The following MARK4 variants were observed in gnomAD, a reference collection of about 807,000 sequenced individuals.
MARK4 encodes the protein microtubule affinity regulating kinase 4, also known as MAP/microtubule affinity-regulating kinase 4.
Under a neutral mutation model 81.5 loss-of-function variants are expected in MARK4, and 19 were observed. The observed-to-expected ratio is 0.23, with a 90% CI of 0.16 to 0.34. The LOEUF is 0.34. MARK4 is among the 10% of genes least tolerant of loss of function. MARK4 has a pLI of 1.00. For synonymous variants in MARK4, 436 were observed against 439.0 expected (o/e 0.99, Z 0.08); for missense variants, 772 against 1,058.8 (o/e 0.73, Z 3.76).
rs151321685 is a variant in MARK4 at position 45,282,413 on chromosome 19, C to T, written c.1276+1679C>T. ...CCCATTTAAAGTGCACAATTCAGGC[C>T]GGGCATGGTGGCTCACGCCTGTAAT... On this transcript the variant is annotated intron_variant, in intron 12 of 16. Coordinates refer to ENST00000262891, the MANE Select transcript of MARK4 (RefSeq NM_001199867.2). 4.6e-3 allele frequency among the ~76,000 whole-genome samples: 701 copies of T among 151,962 alleles called. 8 individuals carry two copies. Among genetic ancestry groups the T allele is most frequent in the African/African-American group, 0.015 (624 of 41,432 alleles).
intron 14 of MARK4, among the ~76,000 whole-genome samples, chr19:45,294,888 A>G (rs905435075): frequency 1.3e-5 from 2 of 152,050 alleles, no homozygotes; most frequent in Non-Finnish European, 2.9e-5. Context: ...GGTTCACATC[A>G]CAGGTCAAGG....
chr19:45,289,335 C>T (rs772061290), intron 13 of MARK4, among the ~76,000 whole-genome samples: 13 of 133,994 alleles, frequency 9.7e-5, no homozygotes, highest in Non-Finnish European at 1.1e-4. Flanking sequence ...TGCAGTGAGC[C>T]GAGATCGTGC....
At chr19:45,253,055 G>A (rs1248465430) in intron 1 of MARK4, among the ~76,000 whole-genome samples, 2 of 151,498 alleles carry the variant, frequency 1.3e-5, no homozygotes, top group East Asian at 3.9e-4. Flanking sequence ...TCTGATCACT[G>A]ATCACTTCCA....
At chr19:45,264,813 T>TGACCCC in intron 5 of MARK4, 27 bp from the exon 6 acceptor site, 6 of 1,612,052 alleles carry the variant, frequency 3.7e-6, no homozygotes, top group Non-Finnish European at 5.1e-6. Context: ...CACCTGACCC[T>TGACCCC]GACCCCGCTC....
At chr19:45,298,233 T>C (rs779983852) in intron 15 of MARK4, 2 of 1,613,900 alleles carry the variant, frequency 1.2e-6, no homozygotes, top group South Asian at 2.2e-5. Context: ...GTAAGTCCCG[T>C]CCATGCCCTG....
chr19:45,258,598 G>A (rs1970339809), intron 1 of MARK4, among the ~76,000 whole-genome samples: 1 of 152,078 alleles, frequency 6.6e-6, no homozygotes. Flanking sequence ...TGCTCGGGAG[G>A]CTGAGGCAGG....
intron 13 of MARK4, among the ~76,000 whole-genome samples, chr19:45,288,795 A>G (rs955538064): frequency 6.8e-6 from 1 of 147,044 alleles, no homozygotes; most frequent in Non-Finnish European, 1.5e-5. Context: ...AGTTGCAGTG[A>G]GCCAAGATCA....
chr19:45,266,388 C>T (rs557540583), intron 7 of MARK4, 107 bp downstream of exon 7: 2 of 1,022,328 alleles, frequency 2.0e-6, no homozygotes, highest in Non-Finnish European at 3.1e-6. Flanking sequence ...ATTCCTCCAG[C>T]CCTTTTCTCC....
Position 45,302,281 on chromosome 19 carries a change from A to T in MARK4, c.1923-93A>T, listed in dbSNP as rs984364206. ...GATGTTTTTTGAGGGGATGGCTAGG[A>T]ATGTGTCCCGAATTGGGAAGAGTTG... On this transcript the variant is annotated intron_variant, in intron 16 of 16. Coordinates refer to ENST00000262891, the MANE Select transcript of MARK4 (RefSeq NM_001199867.2). The surrounding 1 kb of genome is among the most constrained non-coding windows in gnomAD (Gnocchi z 4.9). 6.3e-7 allele frequency: 1 copy of T among 1,587,020 alleles called. No individual in the cohort carries two copies. The highest frequency in any genetic ancestry group is 8.6e-7 in the Non-Finnish European group (1 of 1,164,968).
At chr19:45,281,351 T>G (rs1405646835) in intron 12 of MARK4, among the ~76,000 whole-genome samples, 1 of 118,994 alleles carries the variant, frequency 8.4e-6, no homozygotes, top group Non-Finnish European at 1.7e-5. Context: ...GCCCAGCCTT[T>G]TCTTTTCTTT....
chr19:45,304,638 G>C lies in MARK4; in HGVS notation c.*1928G>C, dbSNP rs996542733. 1 of 152,226 alleles carries C rather than the reference G, an allele frequency of 6.6e-6. No homozygotes were observed. The allele number at this position is 152,226 out of a possible 1,614,324, so 9.4% of individuals were successfully genotyped here. On this transcript the variant is annotated 3_prime_UTR_variant, in exon 17 of 17. Coordinates refer to ENST00000262891, the MANE Select transcript of MARK4 (RefSeq NM_001199867.2). ...TGGGGACACAGTGGTAATCAAGACA[G>C]CCCCAACACTGCCCTCATAGAGCTC... is the stretch of plus-strand genomic sequence containing the variant.
intron 16 of MARK4, among the ~76,000 whole-genome samples, chr19:45,301,123 A>G (rs893186137): frequency 1.3e-5 from 2 of 152,142 alleles, no homozygotes; most frequent in Admixed American, 6.5e-5. Flanking sequence ...GTGACAATCA[A>G]AAAGCCCCCA....
chr19:45,302,819 C>G lies in MARK4; in HGVS notation c.*109C>G. On this transcript the variant is annotated 3_prime_UTR_variant, in exon 17 of 17. Coordinates refer to ENST00000262891, the MANE Select transcript of MARK4 (RefSeq NM_001199867.2). The surrounding 1 kb of genome is among the most constrained non-coding windows in gnomAD (Gnocchi z 4.9). ...TCTCCCTTTATCATCACCTCAGTTT[C>G]CCTGAATTATATTTGGGGGCAAAGA... 1 of 1,433,964 alleles carries G rather than the reference C, an allele frequency of 7.0e-7. No individual in the cohort carries two copies. Among genetic ancestry groups the G allele is most frequent in the Non-Finnish European group, 9.3e-7 (1 of 1,079,760 alleles). The allele number at this position is 1,433,964 out of a possible 1,614,324, so 88.8% of individuals were successfully genotyped here. A position where few individuals can be genotyped will look rare whatever the true frequency, so the allele number is the denominator to read the frequency against.
intron 10 of MARK4, 103 bp downstream of exon 10, chr19:45,278,718 C>T (rs932889803): frequency 6.8e-6 from 6 of 878,450 alleles, no homozygotes; most frequent in African/African-American, 6.7e-5. Context: ...ATTCTTGTGC[C>T]TCAGCCTCCC....
At position 45,271,777 on chromosome 19, in the gene MARK4, C is replaced by G. The variant is rs1479450693; in HGVS notation, c.786+69C>G. ...AGTCAGGCCCCTATCCCCCCCACAC[C>G]TCCCCTGCAGAGGGCCTCAGTGGTG... On this transcript the variant is annotated intron_variant, in intron 8 of 16. Transcript: ENST00000262891. This position sits in a 1 kb window ranked among gnomAD's most constrained non-coding sequence, Gnocchi z 4.1. The G allele has an allele frequency of 1.4e-6, 2 of 1,432,926 alleles. No homozygotes were observed. Among genetic ancestry groups the G allele is most frequent in the Non-Finnish European group, 1.9e-6 (2 of 1,041,816 alleles). The allele number at this position is 1,432,926 out of a possible 1,614,324, so 88.8% of individuals were successfully genotyped here.
Position 45,267,702 on chromosome 19 carries a change from C to T in MARK4, c.549+1421C>T, listed in dbSNP as rs111500149. Reference sequence around the variant, plus strand: ...TTGTTTTGTTTTGTTTTTTTGTTGCCCATACTGAAGTGTGATGTTTCCATC... The same window carrying T: ...TTGTTTTGTTTTGTTTTTTTGTTGCTCATACTGAAGTGTGATGTTTCCATC... On this transcript the variant is annotated intron_variant, in intron 7 of 16. Transcript: ENST00000262891. Among the ~76,000 whole-genome samples the T allele has an allele frequency of 4.3e-3, 648 of 152,152 alleles. 10 individuals are homozygous for T. Among genetic ancestry groups the T allele is most frequent in the African/African-American group, 0.015 (619 of 41,508 alleles).
chr19:45,263,049 A>T, intron 2 of MARK4, 64 bp from the exon 3 acceptor site: 1 of 1,547,826 alleles, frequency 6.5e-7, no homozygotes, highest in Non-Finnish European at 8.8e-7. Flanking sequence ...TACAGGCCTG[A>T]GCCACCATAT....
At chr19:45,293,634 CACTA>C (rs1970846930) in intron 13 of MARK4, among the ~76,000 whole-genome samples, 1 of 152,208 alleles carries the variant, frequency 6.6e-6, no homozygotes, top group African/African-American at 2.4e-5. Context: ...GAAGAAATAA[CACTA>C]ACCTTAGACA....
In MARK4 at chr19:45,265,113, T is replaced by A. The variant is rs573517890; in HGVS notation, c.492+203T>A. Among the ~76,000 whole-genome samples, 163 of 152,186 alleles carry A rather than the reference T, an allele frequency of 1.1e-3. 1 individual carries two copies. The highest frequency in any genetic ancestry group is 1.7e-3 in the Non-Finnish European group (117 of 67,994). ...GGATGTAGGTTTGCAGGTGCCCCGT[T>A]GGGTGGGTGAGAGGATGTTTGGGCA... On this transcript the variant is annotated intron_variant, in intron 6 of 16. Transcript: ENST00000262891.
Sources: gnomAD v4.1 joint callset for allele counts (sites outside exome capture counted in the v4.1 genomes callset) on GRCh38, gnomAD v4.1.1 for gene constraint, Gnocchi (gnomAD v3.1) non-coding constraint, MANE v1.5 for transcripts, NCBI Gene and HGNC (gene_info 2026-07-23, HGNC 2026-07-21) for gene names.